The following TBL1XR1 variants were observed in gnomAD, a reference collection of about 807,000 sequenced individuals.
The protein encoded by TBL1XR1 is TBL1X/Y related 1.
TBL1XR1 carries 5 observed loss-of-function variants against 66.9 expected under a neutral mutation model. The ratio of observed to expected loss-of-function variants is 0.07; its 90% confidence interval spans 0.04 to 0.16. The LOEUF (loss-of-function observed/expected upper bound fraction) is 0.16. TBL1XR1 is among the 10% of genes least tolerant of loss of function. The pLI is 1.00. For synonymous variants in TBL1XR1, 210 were observed against 206.0 expected (o/e 1.02, Z -0.17); for missense variants, 238 against 623.2 (o/e 0.38, Z 6.58).
intron 1 of TBL1XR1, among the ~76,000 whole-genome samples, chr3:177,190,210 A>G (rs1735977053): frequency 6.6e-6 from 1 of 151,900 alleles, no homozygotes; most frequent in South Asian, 2.1e-4. Context: ...TGACACATAT[A>G]TAACCAGATA....
At chr3:177,079,046 T>C (rs1721062237) in intron 2 of TBL1XR1, among the ~76,000 whole-genome samples, 1 of 152,148 alleles carries the variant, frequency 6.6e-6, no homozygotes, top group Non-Finnish European at 1.5e-5. Context: ...AACATAAATC[T>C]GTGTAAATCC....
In TBL1XR1 at chr3:177,174,302, G is replaced by C. The variant is rs569143456; in HGVS notation, c.-122+22819C>G. ...CAAGCACCTGTAGTCCCAGCTACTG[G>C]GGAGGCTGAGGCAGAAGAATGGCGT... On this transcript the variant is annotated intron_variant, in intron 1 of 15. Coordinates refer to ENST00000457928, the MANE Select transcript of TBL1XR1 (RefSeq NM_024665.7). 2.6e-5 allele frequency among the ~76,000 whole-genome samples: 4 copies of C among 151,590 alleles called. No homozygotes were observed. In the East Asian group the frequency reaches 7.8e-4, roughly 29 times the overall value.
intron 1 of TBL1XR1, among the ~76,000 whole-genome samples, chr3:177,153,395 CAT>C (rs1210721985): frequency 2.6e-5 from 4 of 152,072 alleles, no homozygotes; most frequent in African/African-American, 9.7e-5. Flanking sequence ...TACGCATGCA[CAT>C]ATAAGACTTT....
chr3:177,019,624 A>T lies in TBL1XR1; in HGVS notation c.*5874T>A, dbSNP rs1467641938. ...TTTCAAATGAATATATTGGTAAAAC[A>T]GTAAACTTTGATCTGATCTGCTACG... On this transcript the variant is annotated 3_prime_UTR_variant, in exon 16 of 16. Coordinates refer to ENST00000457928, the MANE Select transcript of TBL1XR1 (RefSeq NM_024665.7). The T allele has an allele frequency of 6.6e-6, 1 of 152,224 alleles. No homozygotes were observed. The highest frequency in any genetic ancestry group is 1.5e-5 in the Non-Finnish European group (1 of 68,036). The allele number at this position is 152,224 out of a possible 1,614,324, so 9.4% of individuals were successfully genotyped here.
intron 2 of TBL1XR1, among the ~76,000 whole-genome samples, chr3:177,086,609 C>T (rs1459210100): frequency 6.6e-6 from 1 of 151,950 alleles, no homozygotes; most frequent in Non-Finnish European, 1.5e-5. Context: ...TAATTAGAGC[C>T]CACAATTTTT....
intron 1 of TBL1XR1, among the ~76,000 whole-genome samples, chr3:177,125,665 T>C (rs1276600611): frequency 2.0e-5 from 3 of 152,158 alleles, no homozygotes; most frequent in Non-Finnish European, 4.4e-5. Flanking sequence ...TTTTAAATTC[T>C]AGGAGGCAAT....
At chr3:177,168,071 C>T (rs993466142) in intron 1 of TBL1XR1, among the ~76,000 whole-genome samples, 1 of 152,122 alleles carries the variant, frequency 6.6e-6, no homozygotes, top group Non-Finnish European at 1.5e-5. Flanking sequence ...TTCAGTTAAG[C>T]TAAATTCTTC....
intron 3 of TBL1XR1, 49 bp from the exon 4 acceptor site, chr3:177,053,967 T>C (rs375161545): frequency 1.7e-5 from 26 of 1,546,656 alleles, no homozygotes; most frequent in African/African-American, 1.4e-4. Flanking sequence ...AGTGGCAACA[T>C]GCTAAATGAC....
intron 2 of TBL1XR1, among the ~76,000 whole-genome samples, chr3:177,097,556 T>A (rs773001390): frequency 6.6e-6 from 1 of 152,126 alleles, no homozygotes; most frequent in Non-Finnish European, 1.5e-5. Context: ...CAGAGTCCAC[T>A]AGTCTTTCTG....
chr3:177,087,694 T>A (rs201439795), intron 2 of TBL1XR1, among the ~76,000 whole-genome samples: 149 of 70,940 alleles, frequency 2.1e-3, no homozygotes, highest in Middle Eastern at 6.8e-3. Context: ...TCAAGCAAAA[T>A]TTTTTTTTTT....
intron 1 of TBL1XR1, among the ~76,000 whole-genome samples, chr3:177,175,878 G>C (rs183721187): frequency 1.3e-4 from 19 of 151,982 alleles, no homozygotes; most frequent in Admixed American, 2.0e-4. Context: ...CTAACACGGT[G>C]AAACCCCATC....
At chr3:177,171,899 C>T (rs1733562561) in intron 1 of TBL1XR1, among the ~76,000 whole-genome samples, 1 of 151,962 alleles carries the variant, frequency 6.6e-6, no homozygotes, top group Non-Finnish European at 1.5e-5. Context: ...AGGAGGCCAG[C>T]CTGAAAGAGG....
At chr3:177,054,722 A>G (rs900420871) in intron 3 of TBL1XR1, among the ~76,000 whole-genome samples, 4 of 152,216 alleles carry the variant, frequency 2.6e-5, no homozygotes, top group African/African-American at 9.6e-5. Context: ...CTTTAAAAAT[A>G]CCAATTCTTT....
At chr3:177,066,081 T>C (rs1468078130) in intron 2 of TBL1XR1, among the ~76,000 whole-genome samples, 2 of 152,182 alleles carry the variant, frequency 1.3e-5, no homozygotes, top group African/African-American at 2.4e-5. Context: ...CTATTCAGCA[T>C]AAAGAAATAT....
intron 2 of TBL1XR1, among the ~76,000 whole-genome samples, chr3:177,074,062 A>G (rs1187415493): frequency 6.6e-6 from 1 of 152,192 alleles, no homozygotes; most frequent in African/African-American, 2.4e-5. Flanking sequence ...GATTCATTAC[A>G]TACTCAACCT....
intron 1 of TBL1XR1, among the ~76,000 whole-genome samples, chr3:177,187,926 G>GTTTTTTTTTTT (rs1735636021): frequency 7.2e-6 from 1 of 138,252 alleles, no homozygotes. Context: ...AAGCTTGAGA[G>GTTTTTTTTTTT]TCCAGAGTAC....
intron 1 of TBL1XR1, among the ~76,000 whole-genome samples, chr3:177,105,966 G>A (rs1393258999): frequency 6.6e-6 from 1 of 151,998 alleles, no homozygotes; most frequent in Non-Finnish European, 1.5e-5. Flanking sequence ...AGAACTAGAG[G>A]GAGAAATATG....
intron 2 of TBL1XR1, among the ~76,000 whole-genome samples, chr3:177,097,842 A>G (rs1723687317): frequency 6.6e-6 from 1 of 152,246 alleles, no homozygotes. Context: ...GACAAAACAC[A>G]AGACCATCAC....
At chr3:177,042,804 C>T (rs1715770789) in intron 10 of TBL1XR1, among the ~76,000 whole-genome samples, 1 of 151,932 alleles carries the variant, frequency 6.6e-6, no homozygotes, top group Non-Finnish European at 1.5e-5. Context: ...TTGTCTGCTC[C>T]ACCCCTCTTC....
Sources: allele counts gnomAD v4.1 joint callset (sites outside exome capture counted in the v4.1 genomes callset), GRCh38; gene constraint gnomAD v4.1.1; transcripts MANE v1.5; gene names NCBI Gene and HGNC (gene_info 2026-07-23, HGNC 2026-07-21).